The following SLC35D2 variants were observed in gnomAD, a reference collection of about 807,000 sequenced individuals.
The protein encoded by SLC35D2 is nucleotide sugar transporter SLC35D2.
Under a neutral mutation model 41.8 loss-of-function variants are expected in SLC35D2, and 43 were observed. The ratio of observed to expected loss-of-function variants is 1.03; its 90% confidence interval spans 0.81 to 1.33. The LOEUF (loss-of-function observed/expected upper bound fraction) is 1.33. Ranked by LOEUF, SLC35D2 falls within the 40% of genes most tolerant of loss-of-function variation. The pLI is 0.00. For missense variants in SLC35D2, 380 were observed against 408.4 expected (o/e 0.93, Z 0.60); for synonymous variants, 150 against 163.9 (o/e 0.92, Z 0.65).
At chr9:96,369,826 G>A (rs1830609948) in intron 1 of SLC35D2, among the ~76,000 whole-genome samples, 2 of 152,110 alleles carry the variant, frequency 1.3e-5, no homozygotes, top group Non-Finnish European at 2.9e-5. Context: ...CACAAAGCTG[G>A]AATACCCCAC....
At chr9:96,380,608 C>G (rs112283492) in intron 1 of SLC35D2, among the ~76,000 whole-genome samples, 1 of 151,972 alleles carries the variant, frequency 6.6e-6, no homozygotes, top group African/African-American at 2.4e-5. Flanking sequence ...TAGGCGTGCA[C>G]CACCATGCCC....
At chr9:96,358,640 A>C (rs35369041) in intron 4 of SLC35D2, among the ~76,000 whole-genome samples, 3,994 of 152,324 alleles carry the variant, frequency 0.026, 77 homozygotes, top group Middle Eastern at 0.054. Context: ...GAACATTGAT[A>C]AAGGAAGCTT....
At chr9:96,360,412 C>T (rs908627902) in intron 3 of SLC35D2, among the ~76,000 whole-genome samples, 191 bp from the exon 4 acceptor site, 12 of 151,872 alleles carry the variant, frequency 7.9e-5, no homozygotes, top group Non-Finnish European at 1.5e-4. Flanking sequence ...AGGCGGATCA[C>T]GAGGTCAGGA....
At chr9:96,340,619 C>CAAAAAAAA (rs57501812) in intron 8 of SLC35D2, among the ~76,000 whole-genome samples, 1 of 35,382 alleles carries the variant, frequency 2.8e-5, no homozygotes, top group Non-Finnish European at 4.8e-5. Flanking sequence ...GACTCCATCT[C>CAAAAAAAA]AAAAAAAAAA....
At chr9:96,372,708 C>A (rs1409809964) in intron 1 of SLC35D2, among the ~76,000 whole-genome samples, 1 of 149,586 alleles carries the variant, frequency 6.7e-6, no homozygotes, top group Admixed American at 6.7e-5. Context: ...CTTCAGCCTC[C>A]GGAGTAGCTG....
At chr9:96,348,338 G>A (rs1312199981) in intron 6 of SLC35D2, among the ~76,000 whole-genome samples, 2 of 152,168 alleles carry the variant, frequency 1.3e-5, no homozygotes, top group South Asian at 2.1e-4. Context: ...CCCTTTTCCT[G>A]CTTGTTTGGC....
At chr9:96,333,730 G>A (rs1828921107) in intron 9 of SLC35D2, among the ~76,000 whole-genome samples, 1 of 152,134 alleles carries the variant, frequency 6.6e-6, no homozygotes. Flanking sequence ...ACCTCAGAGG[G>A]TCCACTTCTT....
chr9:96,353,707 T>G (rs1422271672), intron 4 of SLC35D2, among the ~76,000 whole-genome samples: 2 of 152,206 alleles, frequency 1.3e-5, no homozygotes, highest in Non-Finnish European at 2.9e-5. Flanking sequence ...CTTCCCCAAA[T>G]TTTATGTAGT....
intron 4 of SLC35D2, among the ~76,000 whole-genome samples, chr9:96,356,655 G>C (rs1278828782): frequency 6.6e-6 from 1 of 151,838 alleles, no homozygotes; most frequent in African/African-American, 2.4e-5. Context: ...GATCCCGTGG[G>C]CCCAGGAGTT....
intron 11 of SLC35D2, 73 bp from the exon 12 acceptor site, chr9:96,321,414 T>G (rs2130823850): frequency 1.0e-6 from 1 of 988,292 alleles, no homozygotes; most frequent in East Asian, 2.4e-5. Flanking sequence ...TTGCTGGCGT[T>G]TTTATCAATA....
chr9:96,317,413 T>C (rs1828079516), downstream of SLC35D2, among the ~76,000 whole-genome samples: 1 of 152,064 alleles, frequency 6.6e-6, no homozygotes, highest in Non-Finnish European at 1.5e-5. Context: ...CAACTAACCT[T>C]AGTTCAAAAG....
chr9:96,367,455 A>AC (rs1239104298), intron 2 of SLC35D2, among the ~76,000 whole-genome samples: 4 of 152,106 alleles, frequency 2.6e-5, no homozygotes, highest in Non-Finnish European at 5.9e-5. Context: ...AATTAACATA[A>AC]ATGGGAAATT....
At chr9:96,328,734 C>A (rs947241938) in intron 9 of SLC35D2, among the ~76,000 whole-genome samples, 3 of 152,170 alleles carry the variant, frequency 2.0e-5, no homozygotes, top group African/African-American at 7.2e-5. Flanking sequence ...ACTCAACAAA[C>A]GTTCAAATAT....
chr9:96,358,080 TTATA>T lies in SLC35D2; in HGVS notation c.347+2070_347+2073del, dbSNP rs34633441. ...ATGGATAAACAAAATATTATATATT[TTATA>T]TATATATATATATATATATATATAC... On this transcript the variant is annotated intron_variant, in intron 4 of 11. Coordinates refer to ENST00000253270, the MANE Select transcript of SLC35D2 (RefSeq NM_007001.3). Among the ~76,000 whole-genome samples, 168 of 122,680 alleles carry T rather than the reference TTATA, an allele frequency of 1.4e-3. 7 individuals are homozygous for T. Among genetic ancestry groups the T allele is most frequent in the African/African-American group, 3.6e-3 (93 of 25,614 alleles). 80.5% of individuals were successfully genotyped at this position (122,680 alleles called of 152,430 possible). A position where few individuals can be genotyped will look rare whatever the true frequency, so the allele number is the denominator to read the frequency against.
intron 4 of SLC35D2, among the ~76,000 whole-genome samples, chr9:96,353,712 T>C (rs1007246643): frequency 2.0e-5 from 3 of 152,222 alleles, no homozygotes; most frequent in Non-Finnish European, 2.9e-5. Context: ...CCAAATTTTA[T>C]GTAGTAAGGC....
intron 1 of SLC35D2, among the ~76,000 whole-genome samples, chr9:96,371,797 G>C (rs1256629267): frequency 2.2e-5 from 3 of 137,108 alleles, no homozygotes; most frequent in Non-Finnish European, 4.6e-5. Flanking sequence ...CGGGATCTCG[G>C]CTCACTGCAA....
intron 5 of SLC35D2, among the ~76,000 whole-genome samples, 170 bp from the exon 6 acceptor site, chr9:96,351,341 A>C (rs557036074): frequency 3.9e-5 from 6 of 152,230 alleles, no homozygotes; most frequent in South Asian, 2.1e-4. Flanking sequence ...AGTCAGACTA[A>C]ATTTACATTA....
At chr9:96,377,942 A>T (rs1468438047) in intron 1 of SLC35D2, among the ~76,000 whole-genome samples, 1 of 152,210 alleles carries the variant, frequency 6.6e-6, no homozygotes, top group East Asian at 1.9e-4. Flanking sequence ...TAAGGCAAAG[A>T]TCCAGCTCCA....
rs190249800 is a variant in SLC35D2, at chr9:96,372,898, T to C, written c.159-4593A>G. On this transcript the variant is annotated intron_variant, in intron 1 of 11. Coordinates refer to ENST00000253270, the MANE Select transcript of SLC35D2 (RefSeq NM_007001.3). ...ACCATGCCCGGGTTTTTTGTTCTTTTGTTTTTTTGTTTTTTTTTTTTGAGA... is the reference window on the plus strand; with the variant it reads ...ACCATGCCCGGGTTTTTTGTTCTTTCGTTTTTTTGTTTTTTTTTTTTGAGA... 2.7e-5 allele frequency among the ~76,000 whole-genome samples: 4 copies of C among 150,402 alleles called. No individual in the cohort carries two copies. In the East Asian group the frequency reaches 7.8e-4, roughly 29 times the overall value.
Sources: allele counts gnomAD v4.1 joint callset (sites outside exome capture counted in the v4.1 genomes callset), GRCh38; gene constraint gnomAD v4.1.1; transcripts MANE v1.5; gene names NCBI Gene and HGNC (gene_info 2026-07-23, HGNC 2026-07-21).